ADIPOR2: variants seen among roughly 807,000 people sequenced by gnomAD.
ADIPOR2 encodes adiponectin receptor 2.
In ADIPOR2, 18 loss-of-function variants were observed where a neutral mutation model predicts 40.9. That is an observed-to-expected ratio of 0.44 (90% confidence interval 0.30 to 0.65). The LOEUF is 0.65. ADIPOR2 is among the 30% of genes least tolerant of loss of function. The pLI is 0.09. For synonymous variants in ADIPOR2, 165 were observed against 166.4 expected, an observed-to-expected ratio of 0.99 and a Z score of 0.06; for missense variants, 283 against 479.2, an observed-to-expected ratio of 0.59 and a Z score of 3.82.
At chr12:1,732,336 C>T (rs948021016) in intron 1 of ADIPOR2, among the ~76,000 whole-genome samples, 1 of 152,176 alleles carries the variant, frequency 6.6e-6, no homozygotes, top group East Asian at 1.9e-4. Context: ...TAAATCCCTG[C>T]CAACCACTGA....
chr12:1,756,021 A>G (rs976044615), intron 2 of ADIPOR2, among the ~76,000 whole-genome samples: 1 of 152,058 alleles, frequency 6.6e-6, no homozygotes, highest in African/African-American at 2.4e-5. Flanking sequence ...GGTAGAGGAA[A>G]CAAGCTAGTG....
chr12:1,706,244 T>C (rs1355697585), intron 1 of ADIPOR2, among the ~76,000 whole-genome samples: 1 of 152,228 alleles, frequency 6.6e-6, no homozygotes, highest in African/African-American at 2.4e-5. Context: ...TAATGTTACC[T>C]ATGTAACAGC....
chr12:1,762,494 A>C (rs564465382), intron 2 of ADIPOR2, among the ~76,000 whole-genome samples: 1 of 152,320 alleles, frequency 6.6e-6, no homozygotes, highest in Non-Finnish European at 1.5e-5. Context: ...TCAGCAACAA[A>C]TATAAAGTTC....
At chr12:1,710,707 T>C (rs2094674844) in intron 1 of ADIPOR2, among the ~76,000 whole-genome samples, 1 of 151,978 alleles carries the variant, frequency 6.6e-6, no homozygotes, top group South Asian at 2.1e-4. Context: ...GGGAAAGCCA[T>C]TCAGCTGCGG....
intron 1 of ADIPOR2, among the ~76,000 whole-genome samples, chr12:1,749,796 G>C (rs1176809253): frequency 6.6e-6 from 1 of 150,554 alleles, no homozygotes; most frequent in Admixed American, 6.6e-5. Flanking sequence ...TCAGTATATT[G>C]CTGAGAACAT....
intron 1 of ADIPOR2, among the ~76,000 whole-genome samples, chr12:1,692,726 G>C (rs2094629668): frequency 7.5e-6 from 1 of 133,224 alleles, no homozygotes; most frequent in Admixed American, 8.5e-5. Context: ...TTTAGCTGGT[G>C]CACTTTTTTT....
At chr12:1,759,611 A>T (rs1862226147) in intron 2 of ADIPOR2, among the ~76,000 whole-genome samples, 1 of 152,240 alleles carries the variant, frequency 6.6e-6, no homozygotes, top group Non-Finnish European at 1.5e-5. Context: ...ACCTGATCAC[A>T]TATTGCCCTT....
intron 3 of ADIPOR2, among the ~76,000 whole-genome samples, chr12:1,775,237 G>A (rs376177463): frequency 6.6e-6 from 1 of 152,170 alleles, no homozygotes; most frequent in Non-Finnish European, 1.5e-5. Context: ...TCTTTGTCAA[G>A]CTTATAAATA....
chr12:1,716,027 T>C (rs1454379585), intron 1 of ADIPOR2, among the ~76,000 whole-genome samples: 1 of 152,212 alleles, frequency 6.6e-6, no homozygotes, highest in Non-Finnish European at 1.5e-5. Flanking sequence ...TAAATCTTGC[T>C]GCTGCTCACT....
At chr12:1,744,183 T>TGCAAG (rs1259280764) in intron 1 of ADIPOR2, among the ~76,000 whole-genome samples, 1 of 151,950 alleles carries the variant, frequency 6.6e-6, no homozygotes, top group Non-Finnish European at 1.5e-5. Flanking sequence ...CTTAGCTCAC[T>TGCAAG]GCAAGCTCTG....
At chr12:1,699,875 A>G (rs1362870229) in intron 1 of ADIPOR2, among the ~76,000 whole-genome samples, 1 of 152,228 alleles carries the variant, frequency 6.6e-6, no homozygotes, top group African/African-American at 2.4e-5. Flanking sequence ...AGTTTTCTGG[A>G]TTGGAGTATA....
chr12:1,695,577 C>T (rs146898951), intron 1 of ADIPOR2, among the ~76,000 whole-genome samples: 3,028 of 150,708 alleles, frequency 0.02, 59 homozygotes, highest in East Asian at 0.096. Context: ...GCAGGAGAAT[C>T]GCTTGAAACT....
At chr12:1,706,726 C>G (rs1179747809) in intron 1 of ADIPOR2, among the ~76,000 whole-genome samples, 2 of 152,164 alleles carry the variant, frequency 1.3e-5, no homozygotes, top group Non-Finnish European at 2.9e-5. Flanking sequence ...TTTCTGTTAT[C>G]TCCAAAACCT....
At chr12:1,724,457 CAGAA>C (rs1436673428) in intron 1 of ADIPOR2, among the ~76,000 whole-genome samples, 2 of 151,962 alleles carry the variant, frequency 1.3e-5, no homozygotes, top group African/African-American at 2.4e-5. Context: ...ATCACAGAGA[CAGAA>C]AGAATGGTAA....
chr12:1,706,626 A>G (rs756317992), intron 1 of ADIPOR2, among the ~76,000 whole-genome samples: 1 of 152,180 alleles, frequency 6.6e-6, no homozygotes, highest in Non-Finnish European at 1.5e-5. Context: ...TTAAACAATG[A>G]AATATACTCA....
intron 6 of ADIPOR2, among the ~76,000 whole-genome samples, chr12:1,782,476 C>T (rs374351231): frequency 9.2e-5 from 14 of 152,228 alleles, no homozygotes; most frequent in South Asian, 4.1e-4. Flanking sequence ...GGCTGATACA[C>T]GGGTTTCAAA....
rs2154441350 is a variant in ADIPOR2 at position 1,700,519 on chromosome 12, T to G, written c.-87+9328T>G. ...TAAAATAAAAGATCTGGAAGTGTAATAAAATATGTGTAAAAAGAAGAAATC... is the reference window on the plus strand; with the variant it reads ...TAAAATAAAAGATCTGGAAGTGTAAGAAAATATGTGTAAAAAGAAGAAATC... On this transcript the variant is annotated intron_variant, in intron 1 of 7. Coordinates refer to ENST00000357103, the MANE Select transcript of ADIPOR2 (RefSeq NM_024551.3). Among the ~76,000 whole-genome samples the G allele has an allele frequency of 1.3e-5, 2 of 152,244 alleles. 1 individual carries two copies. The highest frequency in any genetic ancestry group is 4.1e-4 in the South Asian group (2 of 4,826).
intron 1 of ADIPOR2, among the ~76,000 whole-genome samples, chr12:1,706,174 G>A (rs2094661965): frequency 3.0e-5 from 4 of 133,280 alleles, no homozygotes; most frequent in Admixed American, 1.7e-4. Flanking sequence ...TGTACGTTGT[G>A]TAACCTTAGG....
intron 3 of ADIPOR2, among the ~76,000 whole-genome samples, chr12:1,774,301 C>T (rs990206505): frequency 2.0e-5 from 3 of 152,200 alleles, no homozygotes; most frequent in Non-Finnish European, 4.4e-5. Flanking sequence ...CTAAATTTAA[C>T]AGCAAATCAG....
Sources: gnomAD v4.1 joint callset for allele counts (sites outside exome capture counted in the v4.1 genomes callset) on GRCh38, gnomAD v4.1.1 for gene constraint, MANE v1.5 for transcripts, NCBI Gene and HGNC (gene_info 2026-07-23, HGNC 2026-07-21) for gene names.